Variants in PMEPA1 observed in about 807,000 individuals in gnomAD.
PMEPA1 encodes the protein prostate transmembrane protein, androgen induced 1, also known as protein TMEPAI.
Under a neutral mutation model 23.0 loss-of-function variants are expected in PMEPA1, and 11 were observed. The observed-to-expected ratio is 0.48, with a 90% CI of 0.30 to 0.79. The LOEUF (loss-of-function observed/expected upper bound fraction) is 0.79. PMEPA1 is among the 30% of genes least tolerant of loss of function. The pLI is 0.06. For synonymous variants in PMEPA1, 204 were observed against 166.4 expected, an observed-to-expected ratio of 1.23 and a Z score of -1.74; for missense variants, 377 against 390.9, an observed-to-expected ratio of 0.96 and a Z score of 0.30.
chr20:57,678,017 A>G (rs2071661518), intron 1 of PMEPA1, among the ~76,000 whole-genome samples: 4 of 152,268 alleles, frequency 2.6e-5, no homozygotes, highest in Non-Finnish European at 4.4e-5. Flanking sequence ...GAAATGGAGA[A>G]GAGATTAGTG....
intron 1 of PMEPA1, among the ~76,000 whole-genome samples, chr20:57,661,029 C>G (rs1294470789): frequency 7.2e-5 from 11 of 152,362 alleles, no homozygotes; most frequent in Admixed American, 7.2e-4. Context: ...CCACGCTCAA[C>G]AGGACGGGGG....
At chr20:57,659,461 C>T (rs2071377249) in intron 2 of PMEPA1, 82 bp downstream of exon 2, 2 of 1,429,164 alleles carry the variant, frequency 1.4e-6, no homozygotes, top group Non-Finnish European at 1.9e-6. Flanking sequence ...GCAAACGCTG[C>T]CATTGGATCC....
chr20:57,663,012 CA>C (rs1435881180), intron 1 of PMEPA1, among the ~76,000 whole-genome samples: 1 of 152,194 alleles, frequency 6.6e-6, no homozygotes, highest in Non-Finnish European at 1.5e-5. Context: ...GCCCCAGGGG[CA>C]GGGGGATCTG....
rs1427271184 is a variant in PMEPA1 at position 57,707,465 on chromosome 20, A to G, written c.109+2009T>C. Among the ~76,000 whole-genome samples, 2 of 152,230 alleles carry G rather than the reference A, an allele frequency of 1.3e-5. 1 individual carries two copies. The highest frequency in any genetic ancestry group is 1.3e-4 in the Admixed American group (2 of 15,288). ...GGACTAACTGGGGCACCCAGGGGCC[A>G]GCTGGAACAGGCTAGGGTTCCAGGT... On this transcript the variant is annotated intron_variant, in intron 1 of 3. Coordinates refer to ENST00000341744, the MANE Select transcript of PMEPA1 (RefSeq NM_020182.5).
intron 1 of PMEPA1, among the ~76,000 whole-genome samples, chr20:57,676,803 T>C (rs1407700733): frequency 6.6e-6 from 1 of 152,188 alleles, no homozygotes; most frequent in African/African-American, 2.4e-5. Flanking sequence ...GAGAGAACCT[T>C]GGCGTTCATC....
At chr20:57,678,305 A>G (rs2071666515) in intron 1 of PMEPA1, among the ~76,000 whole-genome samples, 1 of 152,260 alleles carries the variant, frequency 6.6e-6, no homozygotes, top group African/African-American at 2.4e-5. Context: ...GGATATCTAC[A>G]TAGAACCTCT....
chr20:57,696,076 G>A (rs957485402), intron 1 of PMEPA1, among the ~76,000 whole-genome samples: 6 of 152,176 alleles, frequency 3.9e-5, no homozygotes, highest in Non-Finnish European at 7.4e-5. Context: ...GCTGCAACCT[G>A]TTACCGACAA....
intron 1 of PMEPA1, among the ~76,000 whole-genome samples, chr20:57,688,560 T>A (rs572819328): frequency 6.6e-6 from 1 of 152,300 alleles, no homozygotes; most frequent in South Asian, 2.1e-4. Context: ...AAGGGCTGAA[T>A]GACTACCACA....
chr20:57,665,786 G>C (rs2071483913), intron 1 of PMEPA1, among the ~76,000 whole-genome samples: 1 of 152,224 alleles, frequency 6.6e-6, no homozygotes, highest in Admixed American at 6.5e-5. Context: ...AGGTCACCCA[G>C]GATGGTGGCT....
chr20:57,687,871 C>A (rs1227811480), intron 1 of PMEPA1, among the ~76,000 whole-genome samples: 1 of 152,196 alleles, frequency 6.6e-6, no homozygotes, highest in Admixed American at 6.5e-5. Context: ...CCCACAAGGG[C>A]CCCCAGCAGG....
chr20:57,685,977 A>T (rs1000672171), intron 1 of PMEPA1, among the ~76,000 whole-genome samples: 3 of 151,898 alleles, frequency 2.0e-5, no homozygotes, highest in African/African-American at 7.3e-5. Context: ...CCCAGGAAAG[A>T]AAGACAGGGT....
intron 1 of PMEPA1, among the ~76,000 whole-genome samples, chr20:57,687,609 G>C (rs2071818535): frequency 6.6e-6 from 1 of 152,164 alleles, no homozygotes; most frequent in Non-Finnish European, 1.5e-5. Flanking sequence ...CAACTTTTTT[G>C]GCCAACTCTT....
At position 57,674,449 on chromosome 20, in the gene PMEPA1, G is replaced by A. The variant is rs373750825; in HGVS notation, c.110-14752C>T. Reference sequence around the variant, plus strand: ...CTACTGTCTAAGCCACACAGTCCGGGGTTATTTTATTACAGCGGCCTGAGC... The same window carrying A: ...CTACTGTCTAAGCCACACAGTCCGGAGTTATTTTATTACAGCGGCCTGAGC... On this transcript the variant is annotated intron_variant, in intron 1 of 3. Transcript: ENST00000341744. Among the ~76,000 whole-genome samples, 4 of 152,314 alleles carry A rather than the reference G, an allele frequency of 2.6e-5. No homozygotes were observed. The East Asian group carries it at 5.8e-4, about 22-fold the overall frequency.
At chr20:57,708,931 G>A (rs1317790795) in intron 1 of PMEPA1, among the ~76,000 whole-genome samples, 8 of 152,070 alleles carry the variant, frequency 5.3e-5, no homozygotes, top group African/African-American at 1.9e-4. Flanking sequence ...CAGACACCCC[G>A]AGAGACGCCG....
At chr20:57,689,166 T>A (rs1274766769) in intron 1 of PMEPA1, among the ~76,000 whole-genome samples, 1 of 152,164 alleles carries the variant, frequency 6.6e-6, no homozygotes. Flanking sequence ...GTTTTGTTGG[T>A]AGGGCTGGTC....
chr20:57,669,696 A>G (rs889838444), intron 1 of PMEPA1, among the ~76,000 whole-genome samples: 1 of 152,194 alleles, frequency 6.6e-6, no homozygotes, highest in Admixed American at 6.5e-5. Flanking sequence ...ATACACACCT[A>G]TATTTATGAG....
intron 1 of PMEPA1, among the ~76,000 whole-genome samples, chr20:57,678,378 A>G (rs2071667751): frequency 6.6e-6 from 1 of 152,260 alleles, no homozygotes; most frequent in Non-Finnish European, 1.5e-5. Flanking sequence ...AGTTTTCTGA[A>G]AACAAGTGAA....
At chr20:57,687,191 G>C (rs989717665) in intron 1 of PMEPA1, among the ~76,000 whole-genome samples, 17 of 152,342 alleles carry the variant, frequency 1.1e-4, no homozygotes, top group African/African-American at 3.8e-4. Flanking sequence ...TCAAGATGTG[G>C]AGCAATGTTC....
At chr20:57,671,361 G>A (rs1313064843) in intron 1 of PMEPA1, among the ~76,000 whole-genome samples, 1 of 152,140 alleles carries the variant, frequency 6.6e-6, no homozygotes, top group Non-Finnish European at 1.5e-5. Context: ...GAACGGGTGG[G>A]CGTGGGTGAG....
Sources: gnomAD v4.1 joint callset for allele counts (sites outside exome capture counted in the v4.1 genomes callset) on GRCh38, gnomAD v4.1.1 for gene constraint, MANE v1.5 for transcripts, NCBI Gene and HGNC (gene_info 2026-07-23, HGNC 2026-07-21) for gene names.